The following ATP8A1 variants were observed in gnomAD, a reference collection of about 807,000 sequenced individuals.
ATP8A1 encodes phospholipid-transporting ATPase IA.
A neutral mutation model predicts 177.7 loss-of-function variants in ATP8A1; 90 were observed. The observed-to-expected ratio is 0.51, with a 90% CI of 0.43 to 0.60. The LOEUF (loss-of-function observed/expected upper bound fraction) is 0.60. Among genes scored for constraint, ATP8A1 ranks in the 20% least tolerant of loss-of-function variants. The pLI, the probability that ATP8A1 is intolerant of heterozygous loss-of-function variation, is 0.00. For missense variants in ATP8A1, 1,072 were observed against 1,392.8 expected (o/e 0.77, Z 3.67); for synonymous variants, 493 against 485.9 (o/e 1.01, Z -0.19).
chr4:42,423,543 G>T, intron 34 of ATP8A1, 74 bp downstream of exon 34: 2 of 1,025,106 alleles, frequency 2.0e-6, no homozygotes, highest in Non-Finnish European at 2.9e-6. Flanking sequence ...TGCTTGAGTT[G>T]ATGTTACCAA....
intron 24 of ATP8A1, among the ~76,000 whole-genome samples, chr4:42,495,525 A>G (rs1217438677): frequency 1.3e-5 from 2 of 152,202 alleles, no homozygotes; most frequent in African/African-American, 4.8e-5. Context: ...CATCCCAGTC[A>G]GGATCACTAG....
intron 15 of ATP8A1, among the ~76,000 whole-genome samples, chr4:42,556,924 C>G (rs1385029147): frequency 6.6e-6 from 1 of 152,108 alleles, no homozygotes; most frequent in Non-Finnish European, 1.5e-5. Flanking sequence ...CTTTTGATCA[C>G]AACATTAACA....
At chr4:42,640,064 A>G (rs1739811687) in intron 1 of ATP8A1, among the ~76,000 whole-genome samples, 1 of 152,224 alleles carries the variant, frequency 6.6e-6, no homozygotes, top group East Asian at 1.9e-4. Flanking sequence ...ATGGACGTGA[A>G]ACTCAGGGAT....
At chr4:42,590,753 C>G in intron 7 of ATP8A1, 58 bp downstream of exon 7, 1 of 1,525,644 alleles carries the variant, frequency 6.6e-7, no homozygotes, top group Admixed American at 1.7e-5. Context: ...TGCAACTGTT[C>G]TCCGGTTTAC....
Position 42,579,954 on chromosome 4 carries a change from G to T in ATP8A1, c.859C>A (p.Leu287Ile). The change falls in exon 11 of 37, where the codon CTC becomes ATC. Residue 287 changes from leucine (L) to isoleucine (I), a missense_variant. Physicochemically the swap from Leu to Ile is conservative, Grantham distance 5 (BLOSUM62 2). Coordinates refer to ENST00000381668, the MANE Select transcript of ATP8A1 (RefSeq NM_006095.2). Reference sequence around the variant, plus strand: ...TTTGTAATCCGTTCCACATTTGAGAGCTTAAGTGGTGGACTTGTTGAATTC... The same window carrying T: ...TTTGTAATCCGTTCCACATTTGAGATCTTAAGTGGTGGACTTGTTGAATTC... The part of the protein sequence containing the change: ...MQNSTSPPLK[L>I]SNVERITNVQ... 6.2e-7 allele frequency: 1 copy of T among 1,607,052 alleles called. No individual in the cohort carries two copies. The highest frequency in any genetic ancestry group is 1.3e-5 in the African/African-American group (1 of 74,722).
chr4:42,508,592 G>C (rs1214895833), intron 22 of ATP8A1, among the ~76,000 whole-genome samples: 1 of 152,188 alleles, frequency 6.6e-6, no homozygotes, highest in Non-Finnish European at 1.5e-5. Context: ...TGTAGTGATG[G>C]ATTAAGATAT....
intron 6 of ATP8A1, among the ~76,000 whole-genome samples, chr4:42,594,673 A>G (rs1734551295): frequency 6.6e-6 from 1 of 152,150 alleles, no homozygotes; most frequent in African/African-American, 2.4e-5. Context: ...ATTTACCAAT[A>G]TAAATCTTTA....
Position 42,610,752 on chromosome 4 carries a change from G to C in ATP8A1, c.409+5281C>G, listed in dbSNP as rs548781221. Among the ~76,000 whole-genome samples, 12 of 152,226 alleles carry C rather than the reference G, an allele frequency of 7.9e-5. No individual in the cohort carries two copies. In the East Asian group the frequency reaches 1.9e-3, roughly 25 times the overall value. Reference sequence around the variant, plus strand: ...ATCTGAAAATATTATAAAGCTTATAGATGTCTGAAATTACTTAGGCCATAA... The same window carrying C: ...ATCTGAAAATATTATAAAGCTTATACATGTCTGAAATTACTTAGGCCATAA... On this transcript the variant is annotated intron_variant, in intron 5 of 36. Coordinates refer to ENST00000381668, the MANE Select transcript of ATP8A1 (RefSeq NM_006095.2).
intron 4 of ATP8A1, among the ~76,000 whole-genome samples, chr4:42,623,009 C>A (rs75232149): frequency 2.3e-3 from 264 of 115,980 alleles, no homozygotes; most frequent in Admixed American, 2.4e-3. Context: ...AACTCTGTCT[C>A]AAAAAAAAAA....
intron 16 of ATP8A1, among the ~76,000 whole-genome samples, chr4:42,553,871 A>T (rs1436738045): frequency 6.6e-6 from 1 of 152,204 alleles, no homozygotes; most frequent in African/African-American, 2.4e-5. Flanking sequence ...TATTCTCAAG[A>T]TAATGTAATA....
intron 19 of ATP8A1, among the ~76,000 whole-genome samples, chr4:42,547,350 C>T (rs1043464574): frequency 6.6e-6 from 1 of 152,176 alleles, no homozygotes; most frequent in Non-Finnish European, 1.5e-5. Flanking sequence ...ATTTTCACTA[C>T]CATCATCCTA....
rs1361106487 is a variant in ATP8A1, at chr4:42,503,399, T to C, written c.2151+51A>G. ...ATAGCTATCTGAATATAAAATACTA[T>C]AGCATGAATATATTATTAAAGGAGT... On this transcript the variant is annotated intron_variant, in intron 24 of 36. Coordinates refer to ENST00000381668, the MANE Select transcript of ATP8A1 (RefSeq NM_006095.2). 10 of 1,052,066 alleles carry C rather than the reference T, an allele frequency of 9.5e-6. No individual in the cohort carries two copies. The African/African-American group carries it at 1.1e-4, about 12-fold the overall frequency. 65.2% of individuals were successfully genotyped at this position (1,052,066 alleles called of 1,614,324 possible).
intron 21 of ATP8A1, among the ~76,000 whole-genome samples, chr4:42,523,889 G>C (rs913233081): frequency 4.0e-5 from 6 of 151,764 alleles, no homozygotes; most frequent in South Asian, 2.1e-4. Context: ...TTTGGCTTTT[G>C]TTTTTGCCTA....
intron 25 of ATP8A1, chr4:42,472,070 C>T (rs1720482921): frequency 2.8e-6 from 2 of 719,240 alleles, no homozygotes; most frequent in Non-Finnish European, 5.3e-6. Context: ...AGAAAAAGTT[C>T]AGTGGGAAGC....
intron 9 of ATP8A1, among the ~76,000 whole-genome samples, chr4:42,582,164 C>A (rs1203876997): frequency 6.6e-6 from 1 of 152,088 alleles, no homozygotes; most frequent in Non-Finnish European, 1.5e-5. Flanking sequence ...CAAGAAGGGG[C>A]CTTTTGCCAG....
chr4:42,585,743 TGGCTTACTGGG>T (rs1733553417), intron 9 of ATP8A1, among the ~76,000 whole-genome samples: 1 of 152,016 alleles, frequency 6.6e-6, no homozygotes, highest in Non-Finnish European at 1.5e-5. Context: ...TTAACTGGCT[TGGCTTACTGGG>T]TGCTTAATAT....
chr4:42,444,848 C>T (rs1413107434), intron 31 of ATP8A1, among the ~76,000 whole-genome samples: 1 of 152,226 alleles, frequency 6.6e-6, no homozygotes, highest in African/African-American at 2.4e-5. Flanking sequence ...CAGCACTGCA[C>T]TTCCGGCTTC....
intron 35 of ATP8A1, among the ~76,000 whole-genome samples, 171 bp downstream of exon 35, chr4:42,422,634 GCA>G (rs1396269627): frequency 6.6e-6 from 1 of 152,062 alleles, no homozygotes; most frequent in Non-Finnish European, 1.5e-5. Flanking sequence ...GTAGCCAAGG[GCA>G]CAGTTTAGAA....
chr4:42,644,654 C>T (rs995603283), intron 1 of ATP8A1, among the ~76,000 whole-genome samples: 1 of 151,870 alleles, frequency 6.6e-6, no homozygotes, highest in African/African-American at 2.4e-5. Context: ...TGATAATCTT[C>T]CCACCCGGCA....
Sources: gnomAD v4.1 joint callset for allele counts (sites outside exome capture counted in the v4.1 genomes callset) on GRCh38, gnomAD v4.1.1 for gene constraint, MANE v1.5 for transcripts, NCBI Gene and HGNC (gene_info 2026-07-23, HGNC 2026-07-21) for gene names.